The following MAP3K5 variants were observed in gnomAD, a reference collection of about 807,000 sequenced individuals.
MAP3K5 encodes the protein mitogen-activated protein kinase kinase kinase 5, also known as ASK-1.
Under a neutral mutation model 158.7 loss-of-function variants are expected in MAP3K5, and 56 were observed. The observed-to-expected ratio is 0.35, with a 90% CI of 0.28 to 0.44. MAP3K5 has a LOEUF of 0.44. Ranked by LOEUF, MAP3K5 falls within the 20% of genes least tolerant of loss-of-function variation. The pLI, the probability that MAP3K5 is intolerant of heterozygous loss-of-function variation, is 1.00. For missense variants in MAP3K5, 1,294 were observed against 1,674.8 expected (o/e 0.77, Z 3.97); for synonymous variants, 579 against 601.7 (o/e 0.96, Z 0.55).
chr6:136,563,906 G>C (rs1359643051), intron 26 of MAP3K5, among the ~76,000 whole-genome samples: 1 of 152,156 alleles, frequency 6.6e-6, no homozygotes, highest in Non-Finnish European at 1.5e-5. Context: ...TTTAACTCAA[G>C]AGTTTGTTTC....
chr6:136,654,794 T>G (rs889876835), intron 10 of MAP3K5, among the ~76,000 whole-genome samples: 1 of 152,192 alleles, frequency 6.6e-6, no homozygotes, highest in Non-Finnish European at 1.5e-5. Context: ...TTTTGCATAT[T>G]TGGCAAATTG....
intron 13 of MAP3K5, among the ~76,000 whole-genome samples, chr6:136,637,698 G>C (rs1777711126): frequency 6.6e-6 from 1 of 151,566 alleles, no homozygotes; most frequent in African/African-American, 2.4e-5. Context: ...TCAGAGACAA[G>C]CAAAGTGATT....
chr6:136,694,276 C>G lies in MAP3K5; in HGVS notation c.1117G>C (p.Asp373His). 6.2e-7 allele frequency: 1 copy of G among 1,612,878 alleles called. No individual in the cohort carries two copies. The highest frequency in any genetic ancestry group is 8.5e-7 in the Non-Finnish European group (1 of 1,179,878). The change falls in exon 7 of 30, where the codon GAT (aspartate) becomes CAT (histidine). Residue 373 changes from aspartate (D) to histidine (H), a missense_variant. By Grantham distance (81) the Asp-to-His change is moderately conservative (BLOSUM62 -1). Around this residue, in one of 5 missense-constraint regions of MAP3K5, gnomAD observed 690 missense variants for 870.5 expected, o/e 0.79. Coordinates refer to ENST00000359015, the MANE Select transcript of MAP3K5 (RefSeq NM_005923.4). ...NLPGDRAKAL[D>H]IMIPMVQSEG... ...CTTTGCACCATGGGAATCATAATAT[C>G]AAGAGCTTTTGCTCTGTCACCAGGG...
intron 1 of MAP3K5, among the ~76,000 whole-genome samples, chr6:136,773,839 G>A (rs965612452): frequency 2.0e-5 from 3 of 152,008 alleles, no homozygotes; most frequent in African/African-American, 7.3e-5. Flanking sequence ...GTAAAGATGG[G>A]GTTTCTCCAC....
At chr6:136,709,001 C>A (rs901730205) in intron 2 of MAP3K5, among the ~76,000 whole-genome samples, 1 of 152,148 alleles carries the variant, frequency 6.6e-6, no homozygotes, top group African/African-American at 2.4e-5. Context: ...GTGAAGCTGG[C>A]CTTCACTGTG....
At chr6:136,736,888 G>C (rs1459169224) in intron 1 of MAP3K5, among the ~76,000 whole-genome samples, 3 of 151,674 alleles carry the variant, frequency 2.0e-5, no homozygotes, top group African/African-American at 7.3e-5. Flanking sequence ...AATTGGCCCA[G>C]GCTGGTCTCA....
chr6:136,632,197 T>C (rs1777400541), intron 14 of MAP3K5, among the ~76,000 whole-genome samples: 1 of 151,986 alleles, frequency 6.6e-6, no homozygotes, highest in African/African-American at 2.4e-5. Context: ...GGGGTGAGAA[T>C]GTTGTATGGT....
intron 28 of MAP3K5, among the ~76,000 whole-genome samples, chr6:136,560,323 T>C (rs964771090): frequency 6.6e-6 from 1 of 152,002 alleles, no homozygotes; most frequent in Non-Finnish European, 1.5e-5. Context: ...CTACTAAAAG[T>C]ACAAAAATTA....
At chr6:136,730,167 G>GTTTTTTTTTTTTTTTTT (rs199549908) in intron 1 of MAP3K5, among the ~76,000 whole-genome samples, 1 of 73,448 alleles carries the variant, frequency 1.4e-5, no homozygotes, top group South Asian at 4.2e-4. Context: ...TTTTTTTTTT[G>GTTTTTTTTTTTTTTTTT]TTTTTTGTTT....
rs184056279 is a variant in MAP3K5 at position 136,597,024 on chromosome 6, T to C, written c.2878+3998A>G. 5.1e-3 allele frequency among the ~76,000 whole-genome samples: 773 copies of C among 150,098 alleles called. 10 individuals are homozygous for C. Among genetic ancestry groups the C allele is most frequent in the Non-Finnish European group, 9.2e-3 (620 of 67,646 alleles). On this transcript the variant is annotated intron_variant, in intron 21 of 29. Transcript: ENST00000359015. ...TTCCAGTCACAGGCAGCCTTACTGCTGATATCTTGCCAGGTATTAAGAAGC... is the reference window on the plus strand; with the variant it reads ...TTCCAGTCACAGGCAGCCTTACTGCCGATATCTTGCCAGGTATTAAGAAGC...
At chr6:136,595,203 C>T (rs1775570113) in intron 21 of MAP3K5, among the ~76,000 whole-genome samples, 2 of 152,272 alleles carry the variant, frequency 1.3e-5, no homozygotes, top group South Asian at 2.1e-4. Context: ...CTACAACCTC[C>T]GCCTCCTAGG....
Position 136,611,350 on chromosome 6 carries a change from A to G in MAP3K5, c.2453T>C (p.Leu818Pro). The G allele has an allele frequency of 6.2e-7, 1 of 1,612,778 alleles. No homozygotes were observed. Among genetic ancestry groups the G allele is most frequent in the South Asian group, 1.1e-5 (1 of 91,032 alleles). Reference protein sequence around the residue: ...NVLINTYSGVLKISDFGTSKR... With the variant: ...NVLINTYSGVPKISDFGTSKR... ...TGATGTTCCGAAGTCAGAGATCTTG[A>G]GAACACCACTGTAGGTATTAATCAA... Residue 818 changes from leucine (L) to proline (P), a missense_variant, in exon 18 of 30, where the codon CTC (leucine) becomes CCC (proline). Physicochemically the swap from Leu to Pro is moderately conservative, Grantham distance 98. Transcript: ENST00000359015.
At chr6:136,759,147 G>A (rs1783627687) in intron 1 of MAP3K5, among the ~76,000 whole-genome samples, 1 of 151,874 alleles carries the variant, frequency 6.6e-6, no homozygotes, top group African/African-American at 2.4e-5. Flanking sequence ...CTCCAGTCTG[G>A]GCAACAGAGT....
chr6:136,639,380 A>C (rs1777810935), intron 13 of MAP3K5, among the ~76,000 whole-genome samples, 163 bp downstream of exon 13: 1 of 151,944 alleles, frequency 6.6e-6, no homozygotes, highest in African/African-American at 2.4e-5. Context: ...CCCCCCCCAA[A>C]ATCTGTTAAA....
chr6:136,724,723 T>C lies in MAP3K5; in HGVS notation c.449-4134A>G, dbSNP rs1781894040. 2.6e-5 allele frequency among the ~76,000 whole-genome samples: 4 copies of C among 152,260 alleles called. 1 individual carries two copies. In the South Asian group the frequency reaches 8.3e-4, roughly 31 times the overall value. On this transcript the variant is annotated intron_variant, in intron 1 of 29. Transcript: ENST00000359015. ...ACTCAGAAAAAGGTTGGCTTTTTTC[T>C]ATTTCAAATTCAAATAAGTGACTTG...
intron 1 of MAP3K5, among the ~76,000 whole-genome samples, chr6:136,785,444 T>C (rs1343749759): frequency 6.6e-6 from 1 of 152,174 alleles, no homozygotes; most frequent in Non-Finnish European, 1.5e-5. Context: ...GGTTGCAATC[T>C]GCAGTGAGCC....
intron 1 of MAP3K5, 111 bp from the exon 2 acceptor site, chr6:136,720,700 G>C: frequency 5.3e-6 from 4 of 752,702 alleles, no homozygotes; most frequent in Non-Finnish European, 8.4e-6. Context: ...GGAAACGATA[G>C]GGATTTTCTC....
At chr6:136,762,050 A>C (rs896517942) in intron 1 of MAP3K5, among the ~76,000 whole-genome samples, 2 of 152,232 alleles carry the variant, frequency 1.3e-5, no homozygotes, top group Admixed American at 6.5e-5. Flanking sequence ...TAATCTTGAA[A>C]TGAACTCTGC....
At chr6:136,632,272 G>T (rs1476191419) in intron 14 of MAP3K5, among the ~76,000 whole-genome samples, 1 of 152,150 alleles carries the variant, frequency 6.6e-6, no homozygotes, top group African/African-American at 2.4e-5. Flanking sequence ...CGTAATCCCA[G>T]CATTTTGGGA....
Sources: allele counts gnomAD v4.1 joint callset (sites outside exome capture counted in the v4.1 genomes callset), GRCh38; gene constraint gnomAD v4.1.1; regional missense constraint gnomAD v4.1.1; transcripts MANE v1.5; gene names NCBI Gene and HGNC (gene_info 2026-07-23, HGNC 2026-07-21).